Variants in SLC25A21 observed in about 807,000 individuals in gnomAD.
SLC25A21 encodes the protein solute carrier family 25 member 21.
In SLC25A21, 47 loss-of-function variants were observed where a neutral mutation model predicts 43.8. That is an observed-to-expected ratio of 1.07 (90% CI 0.85 to 1.37). The LOEUF is 1.37. Among genes scored for constraint, SLC25A21 ranks in the 40% most tolerant of loss-of-function variants. The pLI, the probability that SLC25A21 is intolerant of heterozygous loss-of-function variation, is 0.00. For missense variants in SLC25A21, 352 were observed against 350.2 expected (o/e 1.00, Z -0.04); for synonymous variants, 131 against 121.3 (o/e 1.08, Z -0.52).
intron 1 of SLC25A21, among the ~76,000 whole-genome samples, chr14:37,048,141 T>G (rs868102772): frequency 1.1e-4 from 16 of 152,298 alleles, no homozygotes; most frequent in Middle Eastern, 3.4e-3. Flanking sequence ...TAGGCTCATT[T>G]GAAAAATGAC....
chr14:36,684,523 A>G (rs1342926285), intron 8 of SLC25A21, among the ~76,000 whole-genome samples: 1 of 152,210 alleles, frequency 6.6e-6, no homozygotes, highest in Non-Finnish European at 1.5e-5. Context: ...TTGGCATTCT[A>G]AGGCAAACAG....
At chr14:36,998,157 A>G (rs925023487) in intron 1 of SLC25A21, among the ~76,000 whole-genome samples, 6 of 152,192 alleles carry the variant, frequency 3.9e-5, no homozygotes, top group African/African-American at 1.4e-4. Context: ...AGTCTTGGAC[A>G]TGCTGGTAAA....
chr14:36,965,523 C>G (rs1959593430), intron 1 of SLC25A21, among the ~76,000 whole-genome samples: 1 of 152,096 alleles, frequency 6.6e-6, no homozygotes, highest in African/African-American at 2.4e-5. Context: ...TTCTAACATT[C>G]CAATGCTTGA....
At chr14:37,143,562 A>C (rs1566910825) in intron 1 of SLC25A21, among the ~76,000 whole-genome samples, 2 of 151,312 alleles carry the variant, frequency 1.3e-5, no homozygotes, top group Non-Finnish European at 2.9e-5. Context: ...CCCAGGTAAA[A>C]GGCATTTTAA....
chr14:36,998,742 A>G (rs1009708411), intron 1 of SLC25A21, among the ~76,000 whole-genome samples: 1 of 152,046 alleles, frequency 6.6e-6, no homozygotes, highest in South Asian at 2.1e-4. Flanking sequence ...TGGGCCAAAG[A>G]CCTTAACAGA....
intron 1 of SLC25A21, among the ~76,000 whole-genome samples, chr14:37,072,723 G>A (rs1273000700): frequency 4.6e-5 from 7 of 151,924 alleles, no homozygotes; most frequent in Admixed American, 3.3e-4. Flanking sequence ...CAGCCTGGGC[G>A]GAGCAAGACT....
intron 1 of SLC25A21, among the ~76,000 whole-genome samples, chr14:36,881,121 T>C (rs1012165496): frequency 3.3e-5 from 5 of 152,214 alleles, no homozygotes; most frequent in African/African-American, 4.8e-5. Context: ...TCTGCATCAA[T>C]TCTAGTCTTA....
intron 2 of SLC25A21, among the ~76,000 whole-genome samples, chr14:36,828,252 C>T (rs182562103): frequency 6.6e-6 from 1 of 152,258 alleles, no homozygotes; most frequent in African/African-American, 2.4e-5. Context: ...GACATGCACC[C>T]AGCTAGATAC....
intron 1 of SLC25A21, 81 bp downstream of exon 1, chr14:37,172,200 A>T: frequency 7.2e-7 from 1 of 1,383,790 alleles, no homozygotes; most frequent in South Asian, 1.4e-5. Context: ...TTCAGTAAGG[A>T]GACCTGTCTG....
intron 3 of SLC25A21, among the ~76,000 whole-genome samples, chr14:36,740,192 A>AT (rs1316719342): frequency 6.6e-6 from 1 of 152,230 alleles, no homozygotes; most frequent in African/African-American, 2.4e-5. Flanking sequence ...TAAGCAATGC[A>AT]TTTATAAGGA....
chr14:37,072,022 A>T (rs576085574), intron 1 of SLC25A21, among the ~76,000 whole-genome samples: 1 of 151,840 alleles, frequency 6.6e-6, no homozygotes, highest in Non-Finnish European at 1.5e-5. Context: ...TCTCTATTTA[A>T]AACACAAAAA....
intron 7 of SLC25A21, among the ~76,000 whole-genome samples, chr14:36,709,130 C>T (rs947577982): frequency 1.3e-5 from 2 of 152,130 alleles, no homozygotes; most frequent in Admixed American, 1.3e-4. Context: ...GCCTCAGCCT[C>T]CCGAGTAGCT....
At chr14:36,982,269 T>A (rs897877633) in intron 1 of SLC25A21, among the ~76,000 whole-genome samples, 2 of 152,234 alleles carry the variant, frequency 1.3e-5, no homozygotes, top group African/African-American at 4.8e-5. Context: ...TCACAGAAAG[T>A]GTGACTCATT....
intron 3 of SLC25A21, chr14:36,806,750 A>T (rs1293680855): frequency 1.3e-5 from 2 of 152,172 alleles, no homozygotes; most frequent in Admixed American, 6.5e-5. Context: ...AATTTGCTAT[A>T]GTTTATTCTC....
At chr14:37,077,486 T>C (rs1962304691) in intron 1 of SLC25A21, among the ~76,000 whole-genome samples, 1 of 152,120 alleles carries the variant, frequency 6.6e-6, no homozygotes, top group African/African-American at 2.4e-5. Flanking sequence ...ATCCGTATGT[T>C]ATGTATAACA....
intron 1 of SLC25A21, among the ~76,000 whole-genome samples, chr14:36,886,214 A>G (rs1890907666): frequency 6.6e-6 from 1 of 152,208 alleles, no homozygotes; most frequent in African/African-American, 2.4e-5. Flanking sequence ...TGTGAGACTC[A>G]TAAAGGGAAA....
chr14:36,884,536 C>T (rs1179983), intron 1 of SLC25A21, among the ~76,000 whole-genome samples: 122,226 of 152,054 alleles, frequency 0.8, 49,798 homozygotes, highest in Non-Finnish European at 0.87. Flanking sequence ...ATTTTTAGTT[C>T]TTTGAGGGAC....
chr14:37,122,108 T>C (rs1020641261), intron 1 of SLC25A21, among the ~76,000 whole-genome samples: 6 of 152,218 alleles, frequency 3.9e-5, no homozygotes, highest in African/African-American at 9.6e-5. Context: ...GAGGATATAG[T>C]GTACCTTTTT....
intron 1 of SLC25A21, among the ~76,000 whole-genome samples, chr14:36,928,398 C>A (rs904603774): frequency 6.6e-6 from 1 of 151,934 alleles, no homozygotes; most frequent in Non-Finnish European, 1.5e-5. Flanking sequence ...AAATTTCAAT[C>A]AACTTTTATG....
Sources: gnomAD v4.1 joint callset for allele counts (sites outside exome capture counted in the v4.1 genomes callset) on GRCh38, gnomAD v4.1.1 for gene constraint, MANE v1.5 for transcripts, NCBI Gene and HGNC (gene_info 2026-07-23, HGNC 2026-07-21) for gene names.